The following KCNK2 variants were observed in gnomAD, a reference collection of about 807,000 sequenced individuals.
KCNK2 encodes potassium channel subfamily K member 2.
A neutral mutation model predicts 40.5 loss-of-function variants in KCNK2; 21 were observed. The ratio of observed to expected loss-of-function variants is 0.52; its 90% CI spans 0.37 to 0.75. The LOEUF is 0.75. Ranked by LOEUF, KCNK2 falls within the 30% of genes least tolerant of loss-of-function variation. The probability of loss-of-function intolerance (pLI) is 0.00; values close to 1 mark genes in which losing one functional copy is unlikely to be tolerated. For synonymous variants in KCNK2, 191 were observed against 202.2 expected (o/e 0.94, Z 0.47); for missense variants, 399 against 531.6 (o/e 0.75, Z 2.45).
chr1:215,048,630 G>A (rs1195938808), intron 1 of KCNK2, among the ~76,000 whole-genome samples: 1 of 152,156 alleles, frequency 6.6e-6, no homozygotes, highest in Non-Finnish European at 1.5e-5. Flanking sequence ...TGGGCCACAA[G>A]TGTTTTTCCC....
At position 215,042,474 on chromosome 1, in the gene KCNK2, G is replaced by A. The variant is rs116769308; in HGVS notation, c.34+36519G>A. On this transcript the variant is annotated intron_variant, in intron 1 of 6. Transcript: ENST00000391895. ...GATAAAGTCTGCCTGATGATTTGTG[G>A]AAACAAAGAACATATTCTGGTCCAA... 6.2e-3 allele frequency among the ~76,000 whole-genome samples: 947 copies of A among 152,218 alleles called. 12 individuals are homozygous for A. Among genetic ancestry groups the A allele is most frequent in the African/African-American group, 0.021 (889 of 41,526 alleles).
chr1:215,106,819 T>C (rs774051699), intron 2 of KCNK2, among the ~76,000 whole-genome samples: 2 of 152,044 alleles, frequency 1.3e-5, no homozygotes, highest in Non-Finnish European at 2.9e-5. Flanking sequence ...CTAGCTATCT[T>C]AGCACCATTT....
chr1:215,195,250 T>C (rs1046129259), intron 6 of KCNK2, among the ~76,000 whole-genome samples, 158 bp downstream of exon 6: 7 of 152,306 alleles, frequency 4.6e-5, no homozygotes, highest in Non-Finnish European at 8.8e-5. Context: ...TGAGCAAATA[T>C]ATGAGTTGTA....
chr1:215,176,849 C>T (rs926569355), intron 5 of KCNK2, among the ~76,000 whole-genome samples: 18 of 152,066 alleles, frequency 1.2e-4, no homozygotes, highest in African/African-American at 4.3e-4. Context: ...TTTGGGTATA[C>T]ACCCAGTAAT....
chr1:215,193,300 C>T (rs1392108576), intron 5 of KCNK2, among the ~76,000 whole-genome samples: 1 of 152,162 alleles, frequency 6.6e-6, no homozygotes, highest in Non-Finnish European at 1.5e-5. Context: ...TGTTTAAGCA[C>T]CTCCAGTCTC....
chr1:215,017,759 G>A (rs1017584796), intron 1 of KCNK2, among the ~76,000 whole-genome samples: 19 of 152,094 alleles, frequency 1.2e-4, no homozygotes, highest in East Asian at 1.9e-4. Flanking sequence ...GTGAGGTAAC[G>A]CATACATTAA....
intron 2 of KCNK2, among the ~76,000 whole-genome samples, chr1:215,117,844 G>C (rs1455656950): frequency 2.6e-5 from 4 of 152,080 alleles, no homozygotes; most frequent in African/African-American, 9.7e-5. Context: ...AAGAGGTAAA[G>C]AAGATGGGTC....
intron 1 of KCNK2, among the ~76,000 whole-genome samples, chr1:215,011,948 C>T (rs549449842): frequency 6.6e-6 from 1 of 152,194 alleles, no homozygotes; most frequent in South Asian, 2.1e-4. Context: ...CACTTACATT[C>T]ATCCTTCTTG....
intron 1 of KCNK2, among the ~76,000 whole-genome samples, chr1:215,035,039 C>G (rs2601626): frequency 0.85 from 129,461 of 151,986 alleles, 55,420 homozygotes; most frequent in East Asian, 0.99. Flanking sequence ...TTCTAGTATA[C>G]AAATAGTTTC....
chr1:215,226,500 T>C (rs1666391227), intron 6 of KCNK2, among the ~76,000 whole-genome samples: 1 of 152,150 alleles, frequency 6.6e-6, no homozygotes, highest in Non-Finnish European at 1.5e-5. Context: ...TAATTTTATG[T>C]ATTTTTGGTA....
intron 6 of KCNK2, among the ~76,000 whole-genome samples, chr1:215,227,956 T>TA (rs5780825): frequency 0.45 from 67,271 of 149,464 alleles, 15,543 homozygotes; most frequent in South Asian, 0.61. Flanking sequence ...GATATTAAGT[T>TA]AAAAAAAAAA....
At chr1:215,210,174 CAT>C (rs1278345527) in intron 6 of KCNK2, among the ~76,000 whole-genome samples, 77 of 147,830 alleles carry the variant, frequency 5.2e-4, no homozygotes, top group Admixed American at 2.9e-3. Flanking sequence ...TGTGTATGTA[CAT>C]ATATGTGTGT....
At chr1:215,112,158 GAAGCCTTTTGGA>G (rs1388964124) in intron 2 of KCNK2, among the ~76,000 whole-genome samples, 1 of 152,006 alleles carries the variant, frequency 6.6e-6, no homozygotes, top group Non-Finnish European at 1.5e-5. Context: ...AGTCCCTCAA[GAAGCCTTTTGGA>G]AAGTCTGCTT....
chr1:215,134,049 A>G (rs1661791183), intron 3 of KCNK2, among the ~76,000 whole-genome samples: 1 of 152,106 alleles, frequency 6.6e-6, no homozygotes, highest in Non-Finnish European at 1.5e-5. Context: ...GATGCTAACA[A>G]AGAGTGAAAT....
chr1:215,066,054 G>C (rs1658527073), intron 1 of KCNK2, among the ~76,000 whole-genome samples: 1 of 152,154 alleles, frequency 6.6e-6, no homozygotes, highest in African/African-American at 2.4e-5. Context: ...TCGTAAGTGA[G>C]AGTTGAACAG....
chr1:215,175,583 T>A lies in KCNK2; in HGVS notation c.823+3400T>A, dbSNP rs562912259. Reference sequence around the variant, plus strand: ...TGCGATGTTGAGGTTTGGGGTAAGATTGATCCCATCACCCAGGTACCAAGC... The same window carrying A: ...TGCGATGTTGAGGTTTGGGGTAAGAATGATCCCATCACCCAGGTACCAAGC... On this transcript the variant is annotated intron_variant, in intron 5 of 6. Coordinates refer to ENST00000444842, the MANE Select transcript of KCNK2 (RefSeq NM_001017425.3). Among the ~76,000 whole-genome samples, 3 of 152,202 alleles carry A rather than the reference T, an allele frequency of 2.0e-5. No individual in the cohort carries two copies. In the South Asian group the frequency reaches 6.2e-4, roughly 32 times the overall value.
chr1:215,228,347 G>T (rs1026911344), intron 6 of KCNK2, among the ~76,000 whole-genome samples: 4 of 152,172 alleles, frequency 2.6e-5, no homozygotes, highest in Admixed American at 6.6e-5. Flanking sequence ...TTGCAGCTGT[G>T]AAGATCCGGC....
intron 1 of KCNK2, among the ~76,000 whole-genome samples, chr1:215,063,705 G>A (rs1202300303): frequency 6.6e-6 from 1 of 152,162 alleles, no homozygotes; most frequent in Non-Finnish European, 1.5e-5. Context: ...CATGAGAGCA[G>A]GTCTCTTGTG....
intron 1 of KCNK2, among the ~76,000 whole-genome samples, chr1:215,018,985 A>T (rs1656689974): frequency 1.2e-5 from 1 of 80,266 alleles, no homozygotes; most frequent in Non-Finnish European, 2.7e-5. Flanking sequence ...CTCTCTCAAC[A>T]CACACACACA....
Sources: allele counts gnomAD v4.1 joint callset (sites outside exome capture counted in the v4.1 genomes callset), GRCh38; gene constraint gnomAD v4.1.1; transcripts MANE v1.5; gene names NCBI Gene and HGNC (gene_info 2026-07-23, HGNC 2026-07-21).